The following GABRA5 variants were observed in gnomAD, a reference collection of about 807,000 sequenced individuals.
GABRA5 encodes gamma-aminobutyric acid receptor subunit alpha-5.
GABRA5 carries 18 observed loss-of-function variants against 47.3 expected under a neutral mutation model. The observed-to-expected ratio is 0.38, with a 90% CI of 0.26 to 0.56. The LOEUF (loss-of-function observed/expected upper bound fraction) is 0.56. Among genes scored for constraint, GABRA5 ranks in the 20% least tolerant of loss-of-function variants. GABRA5 has a pLI of 0.71. For synonymous variants in GABRA5, 237 were observed against 229.3 expected (o/e 1.03, Z -0.30); for missense variants, 365 against 599.3 (o/e 0.61, Z 4.08).
rs778837084 is a variant in GABRA5 at position 26,883,121 on chromosome 15, G to T, written c.209-45G>T. On this transcript the variant is annotated intron_variant, in intron 4 of 10. Transcript: ENST00000335625. The surrounding 1 kb of genome is among the most constrained non-coding windows in gnomAD (Gnocchi z 4.8). ...GAGAGCACGAGAGTGTGCCAGACGC[G>T]CAGGGTGGGTCGGTGCAGCCCAGGG... 4 of 1,511,210 alleles carry T rather than the reference G, an allele frequency of 2.6e-6. No homozygotes were observed. The highest frequency in any genetic ancestry group is 2.3e-5 in the East Asian group (1 of 44,328). 93.6% of individuals were successfully genotyped at this position (1,511,210 alleles called of 1,614,324 possible). A position where few individuals can be genotyped will look rare whatever the true frequency, so the allele number is the denominator to read the frequency against.
chr15:26,920,667 G>C (rs889427141), intron 7 of GABRA5, among the ~76,000 whole-genome samples: 1 of 152,004 alleles, frequency 6.6e-6, no homozygotes, highest in Non-Finnish European at 1.5e-5. Flanking sequence ...TATTTGGTGT[G>C]CACATTAAAT....
intron 7 of GABRA5, among the ~76,000 whole-genome samples, chr15:26,922,941 A>G (rs35430111): frequency 0.064 from 9,812 of 152,206 alleles, 1,082 homozygotes; most frequent in African/African-American, 0.23. Flanking sequence ...TACTTTATAT[A>G]TACAAAATTT....
At chr15:26,892,882 G>A (rs1438376881) in intron 6 of GABRA5, among the ~76,000 whole-genome samples, 1 of 151,908 alleles carries the variant, frequency 6.6e-6, no homozygotes, top group Non-Finnish European at 1.5e-5. Flanking sequence ...GTGTGTATGG[G>A]TATGTGTGGT....
At chr15:26,893,290 CGT>C (rs1019862299) in intron 6 of GABRA5, among the ~76,000 whole-genome samples, 1 of 24,274 alleles carries the variant, frequency 4.1e-5, no homozygotes, top group African/African-American at 1.6e-4. Flanking sequence ...TGGCATATGG[CGT>C]GTGTGTATAT....
chr15:26,923,763 C>T (rs1053696361), intron 7 of GABRA5, among the ~76,000 whole-genome samples: 11 of 152,092 alleles, frequency 7.2e-5, no homozygotes, highest in Admixed American at 7.2e-4. Flanking sequence ...CTGTCATTTT[C>T]ATCTACTTTC....
intron 3 of GABRA5, among the ~76,000 whole-genome samples, chr15:26,880,153 T>G (rs1892692731): frequency 6.6e-6 from 1 of 152,186 alleles, no homozygotes; most frequent in South Asian, 2.1e-4. Context: ...CTGGATAACT[T>G]GATTGAACAA....
chr15:26,909,563 G>A (rs1179395195), intron 6 of GABRA5, among the ~76,000 whole-genome samples: 2 of 152,190 alleles, frequency 1.3e-5, no homozygotes, highest in East Asian at 1.9e-4. Flanking sequence ...TCTTTTGGAC[G>A]CTCTAGGGGA....
chr15:26,921,677 G>A (rs1893846547), intron 7 of GABRA5, among the ~76,000 whole-genome samples: 1 of 151,860 alleles, frequency 6.6e-6, no homozygotes, highest in African/African-American at 2.4e-5. Context: ...TTCTCAAGGT[G>A]GGAACTTAGG....
intron 6 of GABRA5, among the ~76,000 whole-genome samples, chr15:26,911,388 C>CACACAA (rs1555391760): frequency 6.8e-6 from 1 of 146,652 alleles, no homozygotes; most frequent in African/African-American, 2.5e-5. Flanking sequence ...CACACACACA[C>CACACAA]ACACACACAA....
At chr15:26,943,029 A>G (rs1167435137) in intron 9 of GABRA5, among the ~76,000 whole-genome samples, 186 bp from the exon 10 acceptor site, 6 of 151,620 alleles carry the variant, frequency 4.0e-5, no homozygotes, top group Middle Eastern at 3.4e-3. Flanking sequence ...GCTTGCAGTG[A>G]GCCGAGATTG....
chr15:26,925,299 G>T (rs1156280058), intron 7 of GABRA5, among the ~76,000 whole-genome samples: 1 of 151,306 alleles, frequency 6.6e-6, no homozygotes, highest in African/African-American at 2.4e-5. Flanking sequence ...GATCACTAGG[G>T]GTGTGCTCAT....
At chr15:26,896,608 T>C (rs1375993153) in intron 6 of GABRA5, among the ~76,000 whole-genome samples, 2 of 152,210 alleles carry the variant, frequency 1.3e-5, no homozygotes, top group African/African-American at 2.4e-5. Flanking sequence ...TTTGTAATAA[T>C]TTATTATTTC....
At position 26,900,068 on chromosome 15, in the gene GABRA5, T is replaced by C. The variant is rs1022572456; in HGVS notation, c.498-14735T>C. ...GTATATTTTTAAATTATTCTATTAG[T>C]GGTTACCCTGCGGAATAAAATTAAC... On this transcript the variant is annotated intron_variant, in intron 6 of 10. Coordinates refer to ENST00000335625, the MANE Select transcript of GABRA5 (RefSeq NM_000810.4). 5.9e-5 allele frequency among the ~76,000 whole-genome samples: 9 copies of C among 152,092 alleles called. 1 individual carries two copies. Among genetic ancestry groups the C allele is most frequent in the Admixed American group, 5.9e-4 (9 of 15,274 alleles).
intron 7 of GABRA5, among the ~76,000 whole-genome samples, chr15:26,916,601 C>T (rs890814012): frequency 1.3e-5 from 2 of 151,932 alleles, no homozygotes; most frequent in Non-Finnish European, 2.9e-5. Flanking sequence ...TTTTCTATTT[C>T]TATAAAAACT....
At chr15:26,870,771 C>T (rs997233214) in intron 3 of GABRA5, among the ~76,000 whole-genome samples, 6 of 152,150 alleles carry the variant, frequency 3.9e-5, no homozygotes, top group African/African-American at 9.7e-5. Context: ...TAAGTGAAAT[C>T]GCACAGAATA....
intron 6 of GABRA5, among the ~76,000 whole-genome samples, chr15:26,898,863 A>G (rs556947001): frequency 3.9e-5 from 6 of 152,184 alleles, no homozygotes; most frequent in African/African-American, 4.8e-5. Flanking sequence ...TGCTAGTCCC[A>G]TAAGTATTGA....
intron 6 of GABRA5, among the ~76,000 whole-genome samples, chr15:26,890,712 T>C (rs1892986160): frequency 6.6e-6 from 1 of 152,230 alleles, no homozygotes; most frequent in African/African-American, 2.4e-5. Context: ...CTTTTGGACA[T>C]ATATGTCTCA....
At chr15:26,889,487 A>G (rs28426996) in intron 6 of GABRA5, among the ~76,000 whole-genome samples, 90,621 of 151,614 alleles carry the variant, frequency 0.6, 27,267 homozygotes, top group South Asian at 0.66. Flanking sequence ...CATATTCCTT[A>G]AACGGCCACT....
intron 7 of GABRA5, among the ~76,000 whole-genome samples, chr15:26,923,764 A>T (rs1298930905): frequency 6.6e-6 from 1 of 151,722 alleles, no homozygotes; most frequent in Non-Finnish European, 1.5e-5. Context: ...TGTCATTTTC[A>T]TCTACTTTCT....
Sources: allele counts gnomAD v4.1 joint callset (sites outside exome capture counted in the v4.1 genomes callset), GRCh38; gene constraint gnomAD v4.1.1; non-coding constraint Gnocchi (gnomAD v3.1); transcripts MANE v1.5; gene names NCBI Gene and HGNC (gene_info 2026-07-23, HGNC 2026-07-21).